Variants in ARFGEF1 observed in about 807,000 individuals in gnomAD.
ARFGEF1 encodes brefeldin A-inhibited guanine nucleotide-exchange protein 1.
ARFGEF1 carries 42 observed loss-of-function variants against 231.0 expected under a neutral mutation model. The ratio of observed to expected loss-of-function variants is 0.18; its 90% CI spans 0.14 to 0.24. ARFGEF1 has a LOEUF of 0.24. ARFGEF1 is among the 10% of genes least tolerant of loss of function. The pLI is 1.00. For missense variants in ARFGEF1, 1,345 were observed against 2,192.0 expected (o/e 0.61, Z 7.72); for synonymous variants, 710 against 732.3 (o/e 0.97, Z 0.49).
rs1840089271 is a variant in ARFGEF1, at chr8:67,245,849, G to A, written c.2850+5450C>T. ...AGCCCCAATGATCTGTTGTGTACAT[G>A]AGACACACTTCACCTGTAATGATAC... On this transcript the variant is annotated intron_variant, in intron 19 of 38. Transcript: ENST00000262215. 2.7e-5 allele frequency among the ~76,000 whole-genome samples: 4 copies of A among 150,366 alleles called. No homozygotes were observed. The South Asian group carries it at 8.4e-4, about 32-fold the overall frequency.
chr8:67,276,364 C>A (rs1234881258), intron 8 of ARFGEF1, among the ~76,000 whole-genome samples: 3 of 152,020 alleles, frequency 2.0e-5, no homozygotes, highest in Non-Finnish European at 4.4e-5. Flanking sequence ...AAAATTTACC[C>A]AGCTCATACT....
rs747660401 is a variant in ARFGEF1, at chr8:67,204,889, T to C, written c.4820-70A>G. The stretch of plus-strand genomic sequence containing the variant: ...TTTGAATCCTTTATAATTTCCATGA[T>C]ATTACAATGCTAAGGAAACATCAAT... On this transcript the variant is annotated intron_variant, in intron 34 of 38. Coordinates refer to ENST00000262215, the MANE Select transcript of ARFGEF1 (RefSeq NM_006421.5). 12 of 1,560,440 alleles carry C rather than the reference T, an allele frequency of 7.7e-6. No homozygotes were observed. The South Asian group carries it at 9.0e-5, about 12-fold the overall frequency.
chr8:67,266,295 C>T lies in ARFGEF1; in HGVS notation c.1922-88G>A, dbSNP rs997570855. 4.9e-5 allele frequency: 48 copies of T among 979,948 alleles called. No homozygotes were observed. In the Admixed American group the frequency reaches 7.0e-4, roughly 14 times the overall value. 60.7% of individuals were successfully genotyped at this position (979,948 alleles called of 1,614,324 possible). ...AAACAAATTCTTGAATAAGGCAAGG[C>T]GTTTCAATGTTGCTTAGATATCTAT... On this transcript the variant is annotated intron_variant, in intron 13 of 38. Transcript: ENST00000262215.
chr8:67,238,186 CAA>C lies in ARFGEF1; in HGVS notation c.3289+155_3289+156del, dbSNP rs377158050. On this transcript the variant is annotated intron_variant, in intron 22 of 38. Coordinates refer to ENST00000262215, the MANE Select transcript of ARFGEF1 (RefSeq NM_006421.5). Reference sequence around the variant, plus strand: ...ATTTAATGTTGCAAACCAGACCAGGCAAAAAAGATTTAGTTCCTTAGTCATCT... The same window carrying C: ...ATTTAATGTTGCAAACCAGACCAGGCAAAAGATTTAGTTCCTTAGTCATCT... Among the ~76,000 whole-genome samples the C allele has an allele frequency of 7.4e-4, 113 of 152,130 alleles. 1 individual carries two copies. The highest frequency in any genetic ancestry group is 2.6e-3 in the African/African-American group (106 of 41,526).
At chr8:67,307,067 C>T (rs1803013565) in intron 1 of ARFGEF1, among the ~76,000 whole-genome samples, 1 of 152,230 alleles carries the variant, frequency 6.6e-6, no homozygotes, top group South Asian at 2.1e-4. Flanking sequence ...GCGTGAGCCA[C>T]CACGCCCAGC....
In ARFGEF1 at chr8:67,287,981, T is replaced by G; in HGVS notation, c.1001A>C (p.Glu334Ala). ...TCCAACAACAATGTTCACCATTTCT[T>G]CTACAATGTTCTGTACAATGTCTTG... ...KPQDIVQNIV[E>A]EMVNIVVGDM... is the part of the protein sequence containing the mutation. Residue 334 changes from glutamate (E) to alanine (A), a missense_variant, in exon 7 of 39, where the codon GAA (glutamate) becomes GCA (alanine). By Grantham distance (107) the Glu-to-Ala change is moderately radical. Coordinates refer to ENST00000262215, the MANE Select transcript of ARFGEF1 (RefSeq NM_006421.5). 2 of 1,594,632 alleles carry G rather than the reference T, an allele frequency of 1.3e-6. No individual in the cohort carries two copies. The highest frequency in any genetic ancestry group is 1.7e-6 in the Non-Finnish European group (2 of 1,173,342).
At chr8:67,199,204 C>T in intron 38 of ARFGEF1, 106 bp from the exon 39 acceptor site, 1 of 1,349,206 alleles carries the variant, frequency 7.4e-7, no homozygotes, top group East Asian at 2.6e-5. Context: ...GCCAGGAAAG[C>T]AGGGTCCACA....
At position 67,342,085 on chromosome 8, in the gene ARFGEF1, C is replaced by T. The variant is rs147597038; in HGVS notation, c.124+1079G>A. 5.9e-5 allele frequency among the ~76,000 whole-genome samples: 9 copies of T among 152,162 alleles called. No homozygotes were observed. The East Asian group carries it at 1.5e-3, about 26-fold the overall frequency. On this transcript the variant is annotated intron_variant, in intron 1 of 38. Coordinates refer to ENST00000262215, the MANE Select transcript of ARFGEF1 (RefSeq NM_006421.5). The stretch of plus-strand genomic sequence containing the variant: ...TACTTTAAGTTATTGTGGATTTTTC[C>T]CCTTTCAAGAATGCTTTTTTGTAAA...
intron 32 of ARFGEF1, among the ~76,000 whole-genome samples, chr8:67,216,981 AAAGT>A (rs1411714487): frequency 6.6e-6 from 1 of 151,768 alleles, no homozygotes; most frequent in African/African-American, 2.4e-5. Context: ...AATATTTTCC[AAAGT>A]AAGAGGCTTC....
rs538740809 is a variant in ARFGEF1, at chr8:67,301,267, G to T, written c.269C>A (p.Ser90Tyr). Reference sequence around the variant, plus strand: ...TGTACTAACTATGCGAGGACATTTGGACTGGCATGCCAACTCAAAAGGCAA... The same window carrying T: ...TGTACTAACTATGCGAGGACATTTGTACTGGCATGCCAACTCAAAAGGCAA... ...YFLPFELACQ[S>Y]KCPRIVSTSL... Residue 90 changes from serine (S) to tyrosine (Y), a missense_variant, in exon 3 of 39, where the codon TCC becomes TAC. Transcript: ENST00000262215. The T allele has an allele frequency of 6.2e-7, 1 of 1,613,818 alleles. No homozygotes were observed. Among genetic ancestry groups the T allele is most frequent in the East Asian group, 2.2e-5 (1 of 44,864 alleles).
intron 22 of ARFGEF1, among the ~76,000 whole-genome samples, chr8:67,234,853 T>G (rs1309004014): frequency 6.6e-6 from 1 of 151,828 alleles, no homozygotes; most frequent in African/African-American, 2.4e-5. Flanking sequence ...TGAACAAGAA[T>G]GAAAGCCTGA....
intron 9 of ARFGEF1, among the ~76,000 whole-genome samples, chr8:67,274,987 C>T (rs1048920247): frequency 6.6e-6 from 1 of 152,056 alleles, no homozygotes; most frequent in Non-Finnish European, 1.5e-5. Flanking sequence ...ATGTTTCTCC[C>T]TGAACTGGTA....
intron 1 of ARFGEF1, among the ~76,000 whole-genome samples, chr8:67,314,518 TC>T (rs1002946419): frequency 6.6e-6 from 1 of 152,050 alleles, no homozygotes; most frequent in African/African-American, 2.4e-5. Context: ...GTCAGAAACT[TC>T]TCCCGCAAAC....
chr8:67,281,268 AAAG>A lies in ARFGEF1; in HGVS notation c.1028-3814_1028-3812del, dbSNP rs552312721. 7.0e-4 allele frequency among the ~76,000 whole-genome samples: 107 copies of A among 152,276 alleles called. 1 individual carries two copies. The highest frequency in any genetic ancestry group is 3.4e-3 in the Middle Eastern group (1 of 294). ...ACATCTGTATAGTGTGAGATGTGGA[AAAG>A]AACAGAAAGGATGAAGAAGAATTAA... is the stretch of plus-strand genomic sequence containing the variant. On this transcript the variant is annotated intron_variant, in intron 7 of 38. Transcript: ENST00000262215.
intron 9 of ARFGEF1, among the ~76,000 whole-genome samples, chr8:67,274,547 A>G (rs2128898360): frequency 6.6e-6 from 1 of 152,232 alleles, no homozygotes; most frequent in East Asian, 1.9e-4. Context: ...CATTAAAGAT[A>G]GCATCTTTTC....
intron 21 of ARFGEF1, 62 bp downstream of exon 21, chr8:67,238,673 A>C: frequency 6.4e-7 from 1 of 1,556,690 alleles, no homozygotes; most frequent in Non-Finnish European, 8.8e-7. Flanking sequence ...TCAATGATGG[A>C]CTATTTAGCA....
At chr8:67,203,855 C>T (rs1369865998) in intron 35 of ARFGEF1, among the ~76,000 whole-genome samples, 1 of 152,214 alleles carries the variant, frequency 6.6e-6, no homozygotes, top group African/African-American at 2.4e-5. Flanking sequence ...ACCAGACTTC[C>T]TGCATCCACA....
At chr8:67,287,287 A>C (rs1805800181) in intron 7 of ARFGEF1, among the ~76,000 whole-genome samples, 1 of 152,172 alleles carries the variant, frequency 6.6e-6, no homozygotes, top group Admixed American at 6.5e-5. Flanking sequence ...CCCCCAGTAA[A>C]AACCTTGGGA....
At chr8:67,251,250 G>A (rs1451201517) in intron 19 of ARFGEF1, 49 bp downstream of exon 19, 14 of 1,478,300 alleles carry the variant, frequency 9.5e-6, no homozygotes, top group Non-Finnish European at 1.1e-5. Context: ...TATAAATGTA[G>A]TTATATATAA....
Sources: gnomAD v4.1 joint callset for allele counts (sites outside exome capture counted in the v4.1 genomes callset) on GRCh38, gnomAD v4.1.1 for gene constraint, MANE v1.5 for transcripts, NCBI Gene and HGNC (gene_info 2026-07-23, HGNC 2026-07-21) for gene names.